NCALD: variants seen among roughly 807,000 people sequenced by gnomAD.
NCALD encodes neurocalcin-delta.
A neutral mutation model predicts 18.6 loss-of-function variants in NCALD; 10 were observed. That is an observed-to-expected ratio of 0.54 (90% CI 0.33 to 0.91). The LOEUF is 0.91. Ranked by LOEUF, NCALD falls within the 40% of genes least tolerant of loss-of-function variation. NCALD has a pLI of 0.03. For synonymous variants in NCALD, 88 were observed against 87.4 expected (o/e 1.01, Z -0.04); for missense variants, 184 against 247.6 (o/e 0.74, Z 1.72).
chr8:102,000,537 C>T (rs1821414491), intron 2 of NCALD, among the ~76,000 whole-genome samples: 1 of 152,190 alleles, frequency 6.6e-6, no homozygotes, highest in Admixed American at 6.5e-5. Flanking sequence ...AGTAGTGGTT[C>T]TCCCAGCACA....
At chr8:101,763,218 C>T (rs76811404) in intron 1 of NCALD, among the ~76,000 whole-genome samples, 6,932 of 152,084 alleles carry the variant, frequency 0.046, 385 homozygotes, top group African/African-American at 0.13. Flanking sequence ...CCAGGAATAC[C>T]GGTGGCAGCA....
At chr8:101,751,575 C>T (rs1488733096) in intron 1 of NCALD, among the ~76,000 whole-genome samples, 1 of 152,072 alleles carries the variant, frequency 6.6e-6, no homozygotes, top group Middle Eastern at 3.2e-3. Flanking sequence ...GCCCAGCTGT[C>T]CAGGGATAAC....
chr8:101,812,964 G>A (rs1010819354), intron 4 of NCALD, among the ~76,000 whole-genome samples: 2 of 151,682 alleles, frequency 1.3e-5, no homozygotes, highest in Non-Finnish European at 2.9e-5. Flanking sequence ...CCTGAAAATG[G>A]AAAAAAAACT....
chr8:102,058,583 G>A (rs534816456), intron 1 of NCALD, among the ~76,000 whole-genome samples: 13 of 152,240 alleles, frequency 8.5e-5, no homozygotes, highest in East Asian at 7.7e-4. Flanking sequence ...GCCACACACC[G>A]TTTCCATTTC....
rs188417571 is a variant in NCALD, at chr8:101,802,834, C to T, written c.-19-83186G>A. Among the ~76,000 whole-genome samples the T allele has an allele frequency of 2.2e-3, 302 of 139,438 alleles. 2 individuals are homozygous for T. Among genetic ancestry groups the T allele is most frequent in the African/African-American group, 7.7e-3 (289 of 37,586 alleles). The allele number at this position is 139,438 out of a possible 152,430, so 91.5% of individuals were successfully genotyped here. A position where few individuals can be genotyped will look rare whatever the true frequency, so the allele number is the denominator to read the frequency against. On this transcript the variant is annotated intron_variant, in intron 4 of 6. Transcript: ENST00000311028. Reference sequence around the variant, plus strand: ...AAGTGCAAGATGAGGGCAACCCGCTCGGGTCCCCTTCCACGCTGTGGAAGC... The same window carrying T: ...AAGTGCAAGATGAGGGCAACCCGCTTGGGTCCCCTTCCACGCTGTGGAAGC...
intron 2 of NCALD, among the ~76,000 whole-genome samples, chr8:101,924,584 G>A (rs1818274986): frequency 6.6e-6 from 1 of 152,062 alleles, no homozygotes; most frequent in South Asian, 2.1e-4. Context: ...TCCTCTCAGG[G>A]GCACTTAGCA....
At chr8:101,975,958 T>C (rs1358419326) in intron 2 of NCALD, among the ~76,000 whole-genome samples, 1 of 152,116 alleles carries the variant, frequency 6.6e-6, no homozygotes, top group African/African-American at 2.4e-5. Context: ...GCTGGTTGGG[T>C]TGTACTCATA....
intron 3 of NCALD, among the ~76,000 whole-genome samples, chr8:101,896,514 T>C (rs1817179719): frequency 1.3e-5 from 2 of 151,676 alleles, no homozygotes; most frequent in South Asian, 4.2e-4. Context: ...AATTGACAAA[T>C]GGGATCTAAT....
At chr8:102,044,520 TCAAAGA>T (rs915821399) in intron 1 of NCALD, among the ~76,000 whole-genome samples, 37 of 152,278 alleles carry the variant, frequency 2.4e-4, no homozygotes, top group Admixed American at 2.0e-3. Flanking sequence ...TTCTAAAATC[TCAAAGA>T]CAAAGTTCAC....
chr8:101,775,800 C>T (rs1002884339), intron 1 of NCALD, among the ~76,000 whole-genome samples: 2 of 152,196 alleles, frequency 1.3e-5, no homozygotes, highest in East Asian at 1.9e-4. Context: ...CTGCTGAGAA[C>T]GTGTCCCTTT....
At chr8:101,893,478 A>T (rs1388980107) in intron 3 of NCALD, among the ~76,000 whole-genome samples, 37 of 145,004 alleles carry the variant, frequency 2.6e-4, no homozygotes, top group Non-Finnish European at 4.2e-4. Flanking sequence ...TAACCAGCTA[A>T]CATCATAATG....
At chr8:102,047,216 A>G (rs1435446314) in intron 1 of NCALD, among the ~76,000 whole-genome samples, 2 of 152,166 alleles carry the variant, frequency 1.3e-5, no homozygotes, top group African/African-American at 4.8e-5. Context: ...CCAATCTGTC[A>G]TTGATGGGCA....
intron 1 of NCALD, among the ~76,000 whole-genome samples, chr8:102,097,930 G>A (rs752567818): frequency 6.6e-6 from 1 of 152,186 alleles, no homozygotes; most frequent in East Asian, 1.9e-4. Flanking sequence ...CAAAGGCCAG[G>A]CCACAGAACA....
intron 1 of NCALD, among the ~76,000 whole-genome samples, chr8:102,027,797 A>C (rs763897173): frequency 1.4e-4 from 22 of 152,178 alleles, no homozygotes; most frequent in Non-Finnish European, 3.2e-4. Flanking sequence ...GGAAATTTAC[A>C]ATCATGGTAG....
chr8:101,973,559 C>T (rs543157911), intron 2 of NCALD, among the ~76,000 whole-genome samples: 24 of 152,192 alleles, frequency 1.6e-4, no homozygotes, highest in Non-Finnish European at 2.8e-4. Flanking sequence ...CTGGTATCCA[C>T]AAAGAACTAG....
intron 1 of NCALD, chr8:101,750,094 A>C (rs1020957097): frequency 1.8e-4 from 27 of 152,304 alleles, no homozygotes; most frequent in African/African-American, 6.3e-4. Flanking sequence ...GATGGCAGGA[A>C]GGAGAAGTGC....
intron 1 of NCALD, among the ~76,000 whole-genome samples, chr8:101,783,364 C>T (rs1002160474): frequency 2.0e-5 from 3 of 152,114 alleles, no homozygotes; most frequent in Non-Finnish European, 2.9e-5. Flanking sequence ...TAGATTTGAC[C>T]AACACATGGA....
chr8:102,116,239 C>G (rs894895942), intron 1 of NCALD, among the ~76,000 whole-genome samples: 1 of 152,058 alleles, frequency 6.6e-6, no homozygotes, highest in Non-Finnish European at 1.5e-5. Flanking sequence ...CACATGTACC[C>G]TAGAACTTAA....
chr8:101,967,510 T>C (rs1820073811), intron 2 of NCALD, among the ~76,000 whole-genome samples: 1 of 152,156 alleles, frequency 6.6e-6, no homozygotes, highest in Non-Finnish European at 1.5e-5. Flanking sequence ...ATGTGGCTAC[T>C]GTCTCTTTGC....
Sources: gnomAD v4.1 joint callset for allele counts (sites outside exome capture counted in the v4.1 genomes callset) on GRCh38, gnomAD v4.1.1 for gene constraint, MANE v1.5 for transcripts, NCBI Gene and HGNC (gene_info 2026-07-23, HGNC 2026-07-21) for gene names.